Variants in PPP2R2D observed in about 807,000 individuals in gnomAD.
The protein encoded by PPP2R2D is serine/threonine-protein phosphatase 2A 55 kDa regulatory subunit B delta isoform.
In PPP2R2D, 9 loss-of-function variants were observed where a neutral mutation model predicts 31.1. That is an observed-to-expected ratio of 0.29 (90% CI 0.17 to 0.51). The LOEUF is 0.51. Among genes scored for constraint, PPP2R2D ranks in the 20% least tolerant of loss-of-function variants. PPP2R2D has a pLI of 0.98. For synonymous variants in PPP2R2D, 179 were observed against 172.6 expected (o/e 1.04, Z -0.29); for missense variants, 391 against 465.6 (o/e 0.84, Z 1.48).
chr10:131,901,881 A>G lies in PPP2R2D; in HGVS notation c.100+551A>G, dbSNP rs1021152437. ...CTTAAGGTCTGCTTTCTGCGGTTCT[A>G]AAATCCTTGAATTTTACTGTGAGGT... On this transcript the variant is annotated intron_variant, in intron 2 of 8. Transcript: ENST00000455566. Among the ~76,000 whole-genome samples the G allele has an allele frequency of 2.2e-3, 342 of 152,266 alleles. 2 individuals are homozygous for G. Among genetic ancestry groups the G allele is most frequent in the African/African-American group, 8.0e-3 (333 of 41,558 alleles).
chr10:131,902,224 C>G (rs2035511658), intron 2 of PPP2R2D, among the ~76,000 whole-genome samples: 1 of 152,142 alleles, frequency 6.6e-6, no homozygotes, highest in Non-Finnish European at 1.5e-5. Flanking sequence ...TGTTGTTGTT[C>G]ATACATCTTA....
intron 2 of PPP2R2D, among the ~76,000 whole-genome samples, chr10:131,909,217 G>A (rs1184406272): frequency 2.0e-5 from 3 of 152,184 alleles, no homozygotes; most frequent in Non-Finnish European, 4.4e-5. Context: ...GCAGAAAAGG[G>A]AGTGGCTGTG....
chr10:131,967,839 A>T, the PPP2R2D span: 1 of 152,334 alleles, frequency 6.6e-6, no homozygotes, highest in Non-Finnish European at 1.5e-5. Flanking sequence ...AAAGAGGAAA[A>T]GATACTGAGT....
chr10:131,924,791 C>T (rs1267564443), intron 2 of PPP2R2D, among the ~76,000 whole-genome samples: 4 of 150,352 alleles, frequency 2.7e-5, no homozygotes, highest in Non-Finnish European at 5.9e-5. Flanking sequence ...CCAATCGTGA[C>T]ACAGGATAAC....
At chr10:131,929,870 C>T (rs957576990) in intron 2 of PPP2R2D, among the ~76,000 whole-genome samples, 4 of 152,140 alleles carry the variant, frequency 2.6e-5, no homozygotes, top group Admixed American at 2.6e-4. Flanking sequence ...CCTCATTCCT[C>T]GTCACCTGCC....
downstream of PPP2R2D, among the ~76,000 whole-genome samples, chr10:131,963,314 T>C (rs560639443): frequency 1.5e-4 from 23 of 152,362 alleles, no homozygotes; most frequent in African/African-American, 5.5e-4. Flanking sequence ...AGAAGTGTTT[T>C]TTCTTAAAGA....
At chr10:131,907,171 A>C (rs2119716742) in intron 2 of PPP2R2D, among the ~76,000 whole-genome samples, 1 of 152,204 alleles carries the variant, frequency 6.6e-6, no homozygotes, top group South Asian at 2.1e-4. Flanking sequence ...TGTACAGATA[A>C]TGGGCATTTG....
chr10:131,940,399 T>G (rs1461749106), intron 4 of PPP2R2D, among the ~76,000 whole-genome samples, 183 bp from the exon 5 acceptor site: 1 of 152,236 alleles, frequency 6.6e-6, no homozygotes, highest in East Asian at 1.9e-4. Flanking sequence ...GCTGTTACTC[T>G]GCACGTCTGC....
chr10:131,966,015 G>A, the PPP2R2D span, among the ~76,000 whole-genome samples: 41 of 152,240 alleles, frequency 2.7e-4, no homozygotes, highest in African/African-American at 7.5e-4. Context: ...TAAATACTGC[G>A]TATTTAGTTA....
At chr10:131,970,300 C>T in the PPP2R2D span, 1 of 291,580 alleles carries the variant, frequency 3.4e-6, no homozygotes, top group South Asian at 5.5e-5. The surrounding 1 kb of genome is among the most constrained non-coding windows in gnomAD (Gnocchi z 4.1). Flanking sequence ...GGTGCATTCC[C>T]GCCACAGTAC....
Position 131,957,832 on chromosome 10 carries a change from A to G in PPP2R2D, c.*1869A>G. ...CCTGTGGAGATGAAGGTGTGTGCTG[A>G]TCCCCCATCCCCATGTGGAGATGAA... On this transcript the variant is annotated 3_prime_UTR_variant, in exon 9 of 9. Transcript: ENST00000455566. 1 of 135,142 alleles carries G rather than the reference A, an allele frequency of 7.4e-6. No individual in the cohort carries two copies. The allele number at this position is 135,142 out of a possible 1,614,324, so 8.4% of individuals were successfully genotyped here.
intron 2 of PPP2R2D, among the ~76,000 whole-genome samples, chr10:131,903,983 C>G (rs1305234841): frequency 6.6e-6 from 1 of 152,066 alleles, no homozygotes; most frequent in Non-Finnish European, 1.5e-5. Flanking sequence ...GCGGGTGGAT[C>G]ACTTGAGGTC....
At chr10:131,905,461 C>T (rs1324710999) in intron 2 of PPP2R2D, among the ~76,000 whole-genome samples, 2 of 152,216 alleles carry the variant, frequency 1.3e-5, no homozygotes, top group African/African-American at 4.8e-5. Flanking sequence ...CATGGTATTT[C>T]ATCCTTTGCT....
chr10:131,903,064 TA>T (rs1174250097), intron 2 of PPP2R2D, among the ~76,000 whole-genome samples: 187 of 145,270 alleles, frequency 1.3e-3, no homozygotes, highest in Middle Eastern at 3.6e-3. Context: ...TTTCTTTACT[TA>T]AAAAAAAAAA....
chr10:131,912,175 T>G (rs2035695739), intron 2 of PPP2R2D: 3 of 152,232 alleles, frequency 2.0e-5, no homozygotes, highest in Admixed American at 1.3e-4. Flanking sequence ...TATTGTTTTT[T>G]GCTACTTCTT....
At chr10:131,960,538 G>A (rs1022401108), downstream of PPP2R2D, among the ~76,000 whole-genome samples, 4 of 152,202 alleles carry the variant, frequency 2.6e-5, no homozygotes, top group Admixed American at 1.3e-4. Flanking sequence ...CAGCATGTGC[G>A]TGTCTGTCTG....
At chr10:131,970,648 T>C in the PPP2R2D span, 2 of 1,614,092 alleles carry the variant, frequency 1.2e-6, no homozygotes, top group Non-Finnish European at 8.5e-7. This position sits in a 1 kb window ranked among gnomAD's most constrained non-coding sequence, Gnocchi z 4.1. Context: ...CCCAATCCGA[T>C]GGCCAGCAAA....
intron 2 of PPP2R2D, among the ~76,000 whole-genome samples, chr10:131,908,242 C>G (rs902579637): frequency 1.3e-5 from 2 of 152,156 alleles, no homozygotes; most frequent in African/African-American, 2.4e-5. Context: ...CGTTATTATT[C>G]AGTGATTATT....
intron 2 of PPP2R2D, chr10:131,912,550 C>T (rs1157416190): frequency 1.3e-5 from 2 of 152,386 alleles, no homozygotes; most frequent in East Asian, 3.9e-4. Flanking sequence ...GGGCTTTCTG[C>T]TCAGCCATAC....
Sources: allele counts gnomAD v4.1 joint callset (sites outside exome capture counted in the v4.1 genomes callset), GRCh38; gene constraint gnomAD v4.1.1; non-coding constraint Gnocchi (gnomAD v3.1); transcripts MANE v1.5; gene names NCBI Gene and HGNC (gene_info 2026-07-23, HGNC 2026-07-21).